Variants in PRKN observed in about 807,000 individuals in gnomAD.
The protein encoded by PRKN is E3 ubiquitin-protein ligase parkin.
In PRKN, 56 loss-of-function variants were observed where a neutral mutation model predicts 59.5. That is an observed-to-expected ratio of 0.94 (90% CI 0.76 to 1.18). PRKN has a LOEUF of 1.18. Among genes scored for constraint, PRKN ranks in the 50% most tolerant of loss-of-function variants. The pLI is 0.00. For missense variants in PRKN, 657 were observed against 596.4 expected (o/e 1.10, Z -1.06); for synonymous variants, 250 against 222.1 (o/e 1.13, Z -1.12).
At position 161,372,015 on chromosome 6, in the gene PRKN, C is replaced by T. The variant is rs113709615; in HGVS notation, c.1168-11810G>A. ...TGGAATGTGTGCCAAGTGCCACAGA[C>T]GAGATCTTACAGAGTCTTGCCCCAT... On this transcript the variant is annotated intron_variant, in intron 10 of 11. Coordinates refer to ENST00000366898, the MANE Select transcript of PRKN (RefSeq NM_004562.3). This position sits in a 1 kb window ranked among gnomAD's most constrained non-coding sequence, Gnocchi z 4.2. 4.9e-3 allele frequency among the ~76,000 whole-genome samples: 751 copies of T among 152,254 alleles called. 7 individuals are homozygous for T. Among genetic ancestry groups the T allele is most frequent in the African/African-American group, 0.014 (588 of 41,548 alleles).
At chr6:162,389,429 T>G (rs894789225) in intron 2 of PRKN, among the ~76,000 whole-genome samples, 1 of 152,186 alleles carries the variant, frequency 6.6e-6, no homozygotes, top group African/African-American at 2.4e-5. Context: ...AAGTGAGGCA[T>G]TTCCAAGTAT....
At chr6:162,631,027 G>C (rs73597912) in intron 1 of PRKN, among the ~76,000 whole-genome samples, 5,042 of 152,138 alleles carry the variant, frequency 0.033, 297 homozygotes, top group African/African-American at 0.11. Context: ...ATTTCCGGTA[G>C]AATTCTCATC....
chr6:161,382,589 A>G (rs1786045103), intron 10 of PRKN, among the ~76,000 whole-genome samples: 2 of 152,208 alleles, frequency 1.3e-5, no homozygotes, highest in Non-Finnish European at 2.9e-5. Flanking sequence ...TCCAGGGGCA[A>G]TACGCGGAAG....
At chr6:161,700,063 C>T (rs189573768) in intron 7 of PRKN, among the ~76,000 whole-genome samples, 106 of 151,894 alleles carry the variant, frequency 7.0e-4, no homozygotes, top group African/African-American at 2.5e-3. Flanking sequence ...TGTTATAAGC[C>T]CTTTAATCAC....
intron 7 of PRKN, among the ~76,000 whole-genome samples, chr6:161,641,120 T>C (rs1783721725): frequency 6.6e-6 from 1 of 152,222 alleles, no homozygotes; most frequent in Admixed American, 6.5e-5. Context: ...ACTTAGTTGA[T>C]AAAATAACTT....
intron 3 of PRKN, among the ~76,000 whole-genome samples, chr6:162,229,917 G>C (rs1276248436): frequency 1.3e-5 from 2 of 152,116 alleles, no homozygotes; most frequent in African/African-American, 4.8e-5. Context: ...CCCACTATAA[G>C]GTCAGCTCCA....
chr6:162,726,456 C>A (rs1006439702), intron 1 of PRKN, among the ~76,000 whole-genome samples: 2 of 152,126 alleles, frequency 1.3e-5, no homozygotes, highest in African/African-American at 4.8e-5. Context: ...ATTTGATTAA[C>A]TTTCAAGTCA....
intron 1 of PRKN, among the ~76,000 whole-genome samples, chr6:162,467,024 C>T (rs756432797): frequency 7.9e-5 from 12 of 152,040 alleles, no homozygotes; most frequent in Non-Finnish European, 1.5e-4. Flanking sequence ...ATACACTGAG[C>T]CCAACTATTA....
intron 2 of PRKN, among the ~76,000 whole-genome samples, chr6:162,346,189 T>C (rs1056347625): frequency 3.9e-5 from 6 of 152,202 alleles, no homozygotes; most frequent in Non-Finnish European, 8.8e-5. Context: ...CTTTTGTTCT[T>C]TTACTAGCCA....
chr6:162,347,708 C>A (rs1293406487), intron 2 of PRKN, among the ~76,000 whole-genome samples: 1 of 152,012 alleles, frequency 6.6e-6, no homozygotes, highest in African/African-American at 2.4e-5. Flanking sequence ...TTCACTGAGA[C>A]AAATAGATTT....
chr6:162,605,839 A>G (rs1386014226), intron 1 of PRKN, among the ~76,000 whole-genome samples: 1 of 152,178 alleles, frequency 6.6e-6, no homozygotes, highest in African/African-American at 2.4e-5. Flanking sequence ...AGCCAGAAAT[A>G]AAAGTAGACA....
At chr6:162,357,993 T>C (rs555161475) in intron 2 of PRKN, among the ~76,000 whole-genome samples, 19 of 152,244 alleles carry the variant, frequency 1.2e-4, no homozygotes, top group Admixed American at 5.9e-4. Flanking sequence ...GGTGGATACA[T>C]GCCATTAGAT....
At chr6:162,526,334 A>C (rs973939768) in intron 1 of PRKN, among the ~76,000 whole-genome samples, 7 of 150,584 alleles carry the variant, frequency 4.6e-5, no homozygotes, top group African/African-American at 1.7e-4. Context: ...AAAAAAAATC[A>C]GAAAACAGTC....
At chr6:162,606,325 G>C (rs553015653) in intron 1 of PRKN, among the ~76,000 whole-genome samples, 2 of 152,100 alleles carry the variant, frequency 1.3e-5, no homozygotes, top group African/African-American at 4.8e-5. Flanking sequence ...TGCTTAGAGC[G>C]CTTAGATTAT....
At chr6:162,727,537 ACGGGC>A in intron 1 of PRKN, 120 bp downstream of exon 1, 1 of 1,100,468 alleles carries the variant, frequency 9.1e-7, no homozygotes, top group Non-Finnish European at 1.3e-6. Context: ...CGGGGACGGC[ACGGGC>A]ACTTTGGCCC....
chr6:162,016,483 TC>T (rs1395524990), intron 5 of PRKN, among the ~76,000 whole-genome samples: 1 of 152,086 alleles, frequency 6.6e-6, no homozygotes, highest in African/African-American at 2.4e-5. Flanking sequence ...CCTCTGACTG[TC>T]CCTTGCCAAC....
In PRKN at chr6:161,760,063, C is replaced by T. The variant is rs151183272; in HGVS notation, c.871+25709G>A. 2.9e-3 allele frequency among the ~76,000 whole-genome samples: 245 copies of T among 83,616 alleles called. 1 individual carries two copies. The highest frequency in any genetic ancestry group is 0.01 in the African/African-American group (240 of 23,684). The allele number at this position is 83,616 out of a possible 152,430, so 54.9% of individuals were successfully genotyped here. A position where few individuals can be genotyped will look rare whatever the true frequency, so the allele number is the denominator to read the frequency against. ...TCTCTAAATATACCCTTTTACCACA[C>T]AGCTCGTTCTTAAAAAAAAAAAAAA... On this transcript the variant is annotated intron_variant, in intron 7 of 11. Transcript: ENST00000366898.
chr6:161,805,047 G>T (rs573849061), intron 6 of PRKN, among the ~76,000 whole-genome samples: 2 of 152,132 alleles, frequency 1.3e-5, no homozygotes, highest in Non-Finnish European at 2.9e-5. Context: ...CTAGGTTATC[G>T]TATGGCCACT....
intron 2 of PRKN, among the ~76,000 whole-genome samples, chr6:162,383,896 G>A (rs1192463789): frequency 6.6e-6 from 1 of 152,180 alleles, no homozygotes; most frequent in Non-Finnish European, 1.5e-5. Flanking sequence ...CAGTGGAGAT[G>A]GCTTCTCTCC....
Sources: gnomAD v4.1 joint callset for allele counts (sites outside exome capture counted in the v4.1 genomes callset) on GRCh38, gnomAD v4.1.1 for gene constraint, Gnocchi (gnomAD v3.1) non-coding constraint, MANE v1.5 for transcripts, NCBI Gene and HGNC (gene_info 2026-07-23, HGNC 2026-07-21) for gene names.